Variants in SLC25A27 observed in about 807,000 individuals in gnomAD.
SLC25A27 encodes mitochondrial uncoupling protein 4.
SLC25A27 carries 35 observed loss-of-function variants against 49.1 expected under a neutral mutation model. The ratio of observed to expected loss-of-function variants is 0.71; its 90% CI spans 0.54 to 0.95. The LOEUF (loss-of-function observed/expected upper bound fraction) is 0.95, where lower values mean the gene tolerates loss of function less well. SLC25A27 is among the 40% of genes least tolerant of loss of function. The pLI is 0.00. For missense variants in SLC25A27, 339 were observed against 397.1 expected, an observed-to-expected ratio of 0.85 and a Z score of 1.24; for synonymous variants, 144 against 136.9, an observed-to-expected ratio of 1.05 and a Z score of -0.36.
rs768313753 is a variant in SLC25A27 at position 46,671,189 on chromosome 6, G to A, written c.861G>A (p.Met287Ile). The A allele has an allele frequency of 4.4e-6, 7 of 1,602,322 alleles. 1 individual carries two copies. In the African/African-American group the frequency reaches 6.8e-5, roughly 15 times the overall value. ...AGGCTGTTCAAGGTGAAGGATTCAT[G>A]AGTCTATATAAAGGCTTTTTACCAT... Reference protein sequence around the residue: ...LIQAVQGEGFMSLYKGFLPSW... With the variant: ...LIQAVQGEGFISLYKGFLPSW... The change falls in exon 8 of 9, where the codon ATG (methionine) becomes ATA (isoleucine). Residue 287 changes from methionine to isoleucine, a missense_variant. Transcript: ENST00000371347.
chr6:46,665,404 C>T (rs1309170529), intron 5 of SLC25A27, among the ~76,000 whole-genome samples: 4 of 152,088 alleles, frequency 2.6e-5, no homozygotes, highest in South Asian at 2.1e-4. Flanking sequence ...TTTTCCCCTC[C>T]GCCGGGTGCG....
At chr6:46,673,458 G>A (rs1582518643) in intron 8 of SLC25A27, among the ~76,000 whole-genome samples, 2 of 152,226 alleles carry the variant, frequency 1.3e-5, no homozygotes, top group East Asian at 3.8e-4. Flanking sequence ...ACAGTACTCT[G>A]TGGGAACACA....
At chr6:46,672,067 A>G (rs1209470782) in intron 8 of SLC25A27, among the ~76,000 whole-genome samples, 2 of 152,218 alleles carry the variant, frequency 1.3e-5, no homozygotes, top group Non-Finnish European at 2.9e-5. Context: ...GATAAATGTT[A>G]TGGGAAGAGT....
At chr6:46,654,655 G>A (rs1009234384) in intron 1 of SLC25A27, among the ~76,000 whole-genome samples, 27 of 152,190 alleles carry the variant, frequency 1.8e-4, no homozygotes, top group African/African-American at 4.8e-4. Context: ...ACAAACCAGC[G>A]AGAAAACAAA....
intron 3 of SLC25A27, among the ~76,000 whole-genome samples, chr6:46,659,387 C>T (rs1214373216): frequency 6.6e-6 from 1 of 152,176 alleles, no homozygotes; most frequent in East Asian, 1.9e-4. Flanking sequence ...CCTGGACAAA[C>T]TGCTTCACCT....
chr6:46,657,919 A>G (rs560381089), intron 2 of SLC25A27, among the ~76,000 whole-genome samples: 2 of 152,348 alleles, frequency 1.3e-5, no homozygotes, highest in East Asian at 1.9e-4. Flanking sequence ...GATGGTTGCA[A>G]CTATGCCAGT....
At chr6:46,653,929 C>T in intron 1 of SLC25A27, 1 of 864,312 alleles carries the variant, frequency 1.2e-6, no homozygotes, top group African/African-American at 1.8e-5. Context: ...TGAAAAGACC[C>T]AGTTCTGACC....
chr6:46,662,905 A>T (rs983719852), intron 4 of SLC25A27, among the ~76,000 whole-genome samples: 3 of 152,178 alleles, frequency 2.0e-5, no homozygotes, highest in African/African-American at 7.2e-5. Flanking sequence ...GGCTGTCATG[A>T]TGGTTAACAT....
Position 46,678,026 on chromosome 6 carries a change from AATATT to A in SLC25A27, c.*1577_*1581del, listed in dbSNP as rs1763859583. 1 of 118,854 alleles carries A rather than the reference AATATT, an allele frequency of 8.4e-6. No individual in the cohort carries two copies. The highest frequency in any genetic ancestry group is 9.1e-5 in the Admixed American group (1 of 10,996). The allele number at this position is 118,854 out of a possible 1,614,324, so 7.4% of individuals were successfully genotyped here. A position where few individuals can be genotyped will look rare whatever the true frequency, so the allele number is the denominator to read the frequency against. On this transcript the variant is annotated 3_prime_UTR_variant, in exon 9 of 9. Coordinates refer to ENST00000371347, the MANE Select transcript of SLC25A27 (RefSeq NM_004277.5). The stretch of plus-strand genomic sequence containing the variant: ...TTGTCAATATGTAATTGCGTTGTAA[AATATT>A]ATATATATATATATATATATATATA...
chr6:46,666,743 A>G (rs1378895454), intron 5 of SLC25A27, among the ~76,000 whole-genome samples: 1 of 152,102 alleles, frequency 6.6e-6, no homozygotes, highest in East Asian at 1.9e-4. Flanking sequence ...CTTTCTTAGT[A>G]TGAGAAAGAA....
At chr6:46,667,008 A>G (rs1163049107) in intron 5 of SLC25A27, among the ~76,000 whole-genome samples, 1 of 152,114 alleles carries the variant, frequency 6.6e-6, no homozygotes. Context: ...CTCCTACTGG[A>G]CCACTACAGA....
In SLC25A27 at chr6:46,671,198, T is replaced by C; in HGVS notation, c.870T>C (p.Tyr290=). Residue 290 remains tyrosine (Y), a synonymous_variant, in exon 8 of 9, where the codon TAT becomes TAC. Transcript: ENST00000371347. ...AAGGTGAAGGATTCATGAGTCTATA[T>C]AAAGGCTTTTTACCATCTTGGCTGA... ...AVQGEGFMSL[Y]KGFLPSWLRM... 2 of 1,593,006 alleles carry C rather than the reference T, an allele frequency of 1.3e-6. No homozygotes were observed. The highest frequency in any genetic ancestry group is 1.7e-6 in the Non-Finnish European group (2 of 1,171,764).
At chr6:46,663,577 G>A (rs183440047) in intron 4 of SLC25A27, among the ~76,000 whole-genome samples, 42 of 152,290 alleles carry the variant, frequency 2.8e-4, no homozygotes, top group Admixed American at 1.4e-3. Flanking sequence ...GATAGGAGGA[G>A]AAAACTGGTT....
chr6:46,658,803 A>G lies in SLC25A27; in HGVS notation c.299-159A>G, dbSNP rs187830649. 257 of 640,990 alleles carry G rather than the reference A, an allele frequency of 4.0e-4. No individual in the cohort carries two copies. In the African/African-American group the frequency reaches 4.4e-3, roughly 11 times the overall value. 39.7% of individuals were successfully genotyped at this position (640,990 alleles called of 1,614,324 possible). ...AAGAGCATGCCCCATTTGGAGAAGC[A>G]TCAAGAAGCCCACGTGTTAGAAGCA... On this transcript the variant is annotated intron_variant, in intron 2 of 8. Transcript: ENST00000371347.
At chr6:46,657,241 T>A (rs1428482984) in intron 2 of SLC25A27, among the ~76,000 whole-genome samples, 1 of 152,106 alleles carries the variant, frequency 6.6e-6, no homozygotes, top group Non-Finnish European at 1.5e-5. Flanking sequence ...GGTGGGTGGA[T>A]CACCTAAGGT....
At position 46,670,053 on chromosome 6, in the gene SLC25A27, T is replaced by C. The variant is rs903870205; in HGVS notation, c.705-82T>C. ...TTGTAAGAATATATTTAGTATTATA[T>C]TCTTTCTGAATACCACATTCCCTTT... On this transcript the variant is annotated intron_variant, in intron 6 of 8. Coordinates refer to ENST00000371347, the MANE Select transcript of SLC25A27 (RefSeq NM_004277.5). The C allele has an allele frequency of 1.7e-5, 13 of 776,060 alleles. No individual in the cohort carries two copies. The Admixed American group carries it at 3.7e-4, about 22-fold the overall frequency. 48.1% of individuals were successfully genotyped at this position (776,060 alleles called of 1,614,324 possible).
intron 2 of SLC25A27, among the ~76,000 whole-genome samples, chr6:46,657,538 A>G (rs1041936837): frequency 1.3e-5 from 2 of 152,194 alleles, no homozygotes; most frequent in African/African-American, 4.8e-5. Flanking sequence ...TTAGCAGTTA[A>G]TAAATCTCAA....
intron 8 of SLC25A27, among the ~76,000 whole-genome samples, chr6:46,672,751 CAG>C (rs1277212743): frequency 1.3e-5 from 2 of 152,114 alleles, no homozygotes; most frequent in Admixed American, 1.3e-4. Flanking sequence ...GACATCCAAG[CAG>C]AGATGTCTAG....
At position 46,676,573 on chromosome 6, in the gene SLC25A27, T is replaced by C. The variant is rs534387953; in HGVS notation, c.*119T>C. 240 of 1,584,806 alleles carry C rather than the reference T, an allele frequency of 1.5e-4. 1 individual carries two copies. In the East Asian group the frequency reaches 5.5e-3, roughly 36 times the overall value. On this transcript the variant is annotated 3_prime_UTR_variant, in exon 9 of 9. Transcript: ENST00000371347. ...AGGAAGACACCTATTCCACAGAGAC[T>C]GATTTATAGGGGGCAGCACTTTATT...
Sources: gnomAD v4.1 joint callset for allele counts (sites outside exome capture counted in the v4.1 genomes callset) on GRCh38, gnomAD v4.1.1 for gene constraint, MANE v1.5 for transcripts, NCBI Gene and HGNC (gene_info 2026-07-23, HGNC 2026-07-21) for gene names.